The following CLDN16 variants were observed in gnomAD, a reference collection of about 807,000 sequenced individuals.
CLDN16 encodes the protein claudin-16.
CLDN16 carries 13 observed loss-of-function variants against 24.6 expected under a neutral mutation model. The ratio of observed to expected loss-of-function variants is 0.53; its 90% CI spans 0.34 to 0.84. The LOEUF (loss-of-function observed/expected upper bound fraction) is 0.84. CLDN16 is among the 40% of genes least tolerant of loss of function. CLDN16 has a pLI of 0.01. For synonymous variants in CLDN16, 116 were observed against 106.7 expected (o/e 1.09, Z -0.54); for missense variants, 298 against 292.7 (o/e 1.02, Z -0.13).
chr3:190,321,691 T>C (rs554046334), upstream of CLDN16, among the ~76,000 whole-genome samples: 2 of 152,246 alleles, frequency 1.3e-5, no homozygotes, highest in East Asian at 1.9e-4. Flanking sequence ...AAGTTCAAGT[T>C]TGGCCTTCAC....
the CLDN16 span, among the ~76,000 whole-genome samples, chr3:190,299,870 G>A: frequency 1.7e-4 from 26 of 152,188 alleles, 1 homozygote; most frequent in East Asian, 2.9e-3. Context: ...CTTCTTTTGC[G>A]TCTTCATCTT....
chr3:190,385,037 G>A (rs1261652771), upstream of CLDN16, among the ~76,000 whole-genome samples: 1 of 152,052 alleles, frequency 6.6e-6, no homozygotes, highest in African/African-American at 2.4e-5. Flanking sequence ...TTTACTTCCT[G>A]CTTCTGGTCC....
intron 1 of CLDN16, among the ~76,000 whole-genome samples, chr3:190,333,220 A>T (rs1717220326): frequency 1.3e-5 from 2 of 152,162 alleles, no homozygotes; most frequent in South Asian, 4.1e-4. Flanking sequence ...AGGTAATTTC[A>T]TTCTATTTTA....
chr3:190,293,456 G>A, the CLDN16 span, among the ~76,000 whole-genome samples: 2 of 152,106 alleles, frequency 1.3e-5, no homozygotes, highest in Non-Finnish European at 2.9e-5. Context: ...AAGTGTAAAA[G>A]CCTTAGATGG....
chr3:190,378,729 G>T (rs1195436280), intron 3 of CLDN16, among the ~76,000 whole-genome samples: 1 of 151,954 alleles, frequency 6.6e-6, no homozygotes, highest in Non-Finnish European at 1.5e-5. Flanking sequence ...TCCTTGGGAG[G>T]ACTTCCATCT....
At chr3:190,365,597 C>G (rs191819566) in intron 1 of CLDN16, among the ~76,000 whole-genome samples, 54 of 149,768 alleles carry the variant, frequency 3.6e-4, no homozygotes, top group Non-Finnish European at 7.4e-4. Context: ...TACTATTTTC[C>G]AGGATCCTTG....
intron 1 of CLDN16, among the ~76,000 whole-genome samples, chr3:190,357,694 T>G (rs1006844656): frequency 6.6e-6 from 1 of 151,984 alleles, no homozygotes; most frequent in Non-Finnish European, 1.5e-5. Context: ...TTTCACAGGT[T>G]GGTGCTTTAC....
chr3:190,377,498 T>TAAAAC (rs918483292), intron 3 of CLDN16, among the ~76,000 whole-genome samples: 1 of 151,728 alleles, frequency 6.6e-6, no homozygotes, highest in Non-Finnish European at 1.5e-5. Context: ...TTGTCCCTGG[T>TAAAAC]AAAACAAAAC....
At chr3:190,380,272 T>TCCTTCCTTTCTTCCTTC (rs1282830158) in intron 3 of CLDN16, among the ~76,000 whole-genome samples, 2 of 150,376 alleles carry the variant, frequency 1.3e-5, no homozygotes, top group Non-Finnish European at 3.0e-5. Context: ...CTTCCTTCCT[T>TCCTTCCTTTCTTCCTTC]CTGTTTTTTG....
intron 4 of CLDN16, among the ~76,000 whole-genome samples, chr3:190,409,596 C>T (rs916122575): frequency 3.3e-5 from 5 of 151,840 alleles, no homozygotes; most frequent in Admixed American, 3.3e-4. Flanking sequence ...CCAAATACTT[C>T]TTTTTAAAGA....
At chr3:190,364,775 A>G (rs918874451) in intron 1 of CLDN16, among the ~76,000 whole-genome samples, 1 of 151,610 alleles carries the variant, frequency 6.6e-6, no homozygotes, top group Non-Finnish European at 1.5e-5. Flanking sequence ...TAAGTCAAAG[A>G]CATATTCCCA....
intron 2 of CLDN16, 98 bp from the exon 3 acceptor site, chr3:190,404,664 T>C: frequency 8.5e-7 from 1 of 1,177,284 alleles, no homozygotes; most frequent in Non-Finnish European, 1.3e-6. Flanking sequence ...AGGGGTGTGT[T>C]AATGTTACCT....
chr3:190,298,346 T>TACACAC, the CLDN16 span, among the ~76,000 whole-genome samples: 1 of 75,458 alleles, frequency 1.3e-5, no homozygotes, highest in African/African-American at 8.6e-5. Context: ...ACATGTATAT[T>TACACAC]ATACACACAC....
At chr3:190,292,346 T>C in the CLDN16 span, among the ~76,000 whole-genome samples, 1 of 152,190 alleles carries the variant, frequency 6.6e-6, no homozygotes, top group Non-Finnish European at 1.5e-5. Context: ...AGCTGTACCT[T>C]GGCCCCTTTT....
chr3:190,315,315 T>C, the CLDN16 span, among the ~76,000 whole-genome samples: 6 of 152,150 alleles, frequency 3.9e-5, no homozygotes, highest in African/African-American at 1.4e-4. Flanking sequence ...TTTAAAGTCC[T>C]ACATCCTTAG....
rs1276759277 is a variant in CLDN16, at chr3:190,410,007, A to C, written c.679A>C (p.Lys227Gln). Reference sequence around the variant, plus strand: ...CTCAGCCCCTCGCACAGAGACGGCCAAAATGTATGCTGTAGACACAAGGGT... The same window carrying C: ...CTCAGCCCCTCGCACAGAGACGGCCCAAATGTATGCTGTAGACACAAGGGT... ...SYSAPRTETA[K>Q]MYAVDTRV Residue 227 changes from lysine to glutamine, a missense_variant, in exon 5 of 5, where the codon AAA becomes CAA. By Grantham distance (53) the Lys-to-Gln change is moderately conservative. Transcript: ENST00000264734. 6.2e-7 allele frequency: 1 copy of C among 1,614,028 alleles called. No homozygotes were observed. The highest frequency in any genetic ancestry group is 2.2e-5 in the East Asian group (1 of 44,888).
chr3:190,402,332 T>G lies in CLDN16; in HGVS notation c.115-5T>G. On this transcript the variant is annotated splice_region_variant and splice_polypyrimidine_tract_variant and intron_variant, in intron 1 of 4. Transcript: ENST00000264734. ...GTTTCACACGGTGTCTTCTCTAACA[T>G]CTAGGTGAGCACAAAATGCCGAGGC... The G allele has an allele frequency of 6.2e-7, 1 of 1,610,878 alleles. No homozygotes were observed. The highest frequency in any genetic ancestry group is 8.5e-7 in the Non-Finnish European group (1 of 1,177,110).
chr3:190,384,550 T>C (rs974750172), upstream of CLDN16, among the ~76,000 whole-genome samples: 1 of 151,960 alleles, frequency 6.6e-6, no homozygotes, highest in Non-Finnish European at 1.5e-5. Flanking sequence ...ACTGGGTGAG[T>C]AGGAACATGG....
intron 1 of CLDN16, among the ~76,000 whole-genome samples, chr3:190,392,801 G>T (rs192535091): frequency 6.6e-6 from 1 of 152,140 alleles, no homozygotes; most frequent in African/African-American, 2.4e-5. Context: ...TTCCAGTTTA[G>T]AGAAAAGAAT....
Sources: allele counts gnomAD v4.1 joint callset (sites outside exome capture counted in the v4.1 genomes callset), GRCh38; gene constraint gnomAD v4.1.1; transcripts MANE v1.5; gene names NCBI Gene and HGNC (gene_info 2026-07-23, HGNC 2026-07-21).